The following SCML2 variants were observed in gnomAD, a reference collection of about 807,000 sequenced individuals.
The protein encoded by SCML2 is Scm polycomb group protein like 2.
A neutral mutation model predicts 48.4 loss-of-function variants in SCML2; 6 were observed. The observed-to-expected ratio is 0.12, with a 90% CI of 0.07 to 0.24. The LOEUF (loss-of-function observed/expected upper bound fraction) is 0.24, where lower values mean the gene tolerates loss of function less well. Ranked by LOEUF, SCML2 falls within the 10% of genes least tolerant of loss-of-function variation. SCML2 has a pLI of 1.00. For synonymous variants in SCML2, 181 were observed against 189.5 expected (o/e 0.95, Z 0.37); for missense variants, 377 against 528.2 (o/e 0.71, Z 2.81).
At chrX:18,339,810 C>A (rs1929955245) in intron 1 of SCML2, among the ~76,000 whole-genome samples, 1 of 111,559 alleles carries the variant, frequency 9.0e-6, no homozygotes, top group African/African-American at 3.3e-5. Context: ...CCAGAATTTT[C>A]TTTTTCTTTT....
chrX:18,331,338 T>A (rs1929656210), intron 2 of SCML2, among the ~76,000 whole-genome samples: 1 of 100,669 alleles, frequency 9.9e-6, no homozygotes, highest in African/African-American at 3.6e-5. Flanking sequence ...AATGTTTAAA[T>A]TAACATGTCC....
At chrX:18,304,754 G>A (rs1928703702) in intron 7 of SCML2, among the ~76,000 whole-genome samples, 1 of 111,357 alleles carries the variant, frequency 9.0e-6, no homozygotes. Context: ...TCTCCAGTGT[G>A]GACTGGAACT....
intron 6 of SCML2, among the ~76,000 whole-genome samples, chrX:18,309,617 T>C (rs770999337): frequency 8.9e-6 from 1 of 112,018 alleles, no homozygotes; most frequent in South Asian, 3.7e-4. Flanking sequence ...GACGAGATCA[T>C]GTCCTCTGTA....
chrX:18,269,533 G>A (rs1488492107), intron 7 of SCML2, among the ~76,000 whole-genome samples: 1 of 111,715 alleles, frequency 9.0e-6, no homozygotes, highest in Non-Finnish European at 1.9e-5. Context: ...CCTTATAGCA[G>A]TATGAAAACA....
rs1294918926 is a variant in SCML2, at chrX:18,265,619, G to A, written c.914C>T (p.Thr305Ile). Residue 305 changes from threonine to isoleucine, a missense_variant, in exon 8 of 15, where the codon ACA becomes ATA. By Grantham distance (89) the Thr-to-Ile change is moderately conservative. This residue lies in a region of SCML2 where 299 missense variants were observed against 425.5 expected (regional missense o/e 0.70). Transcript: ENST00000251900. ...TGAGTTTGGACCTTTTTTCCTTGGT[G>A]TGATATTTTTAACAGAACTGCTCCT... is the stretch of plus-strand genomic sequence containing the variant. Reference protein sequence around the residue: ...PKRSSSVKNITPRKKGPNSGK... With the variant: ...PKRSSSVKNIIPRKKGPNSGK... 1 of 1,209,950 alleles carries A rather than the reference G, an allele frequency of 8.3e-7. No individual in the cohort carries two copies. Among genetic ancestry groups the A allele is most frequent in the Admixed American group, 2.2e-5 (1 of 45,821 alleles).
rs200294854 is a variant in SCML2, at chrX:18,291,754, A to AG, written c.730+13217dup. Among the ~76,000 whole-genome samples, 481 of 111,973 alleles carry AG rather than the reference A, an allele frequency of 4.3e-3. 8 individuals carry two copies. In the East Asian group the frequency reaches 0.083, roughly 19 times the overall value. ...ATTTGAATGATGTGTTTAAAAAAAA[A>AG]GAATAGAAACATTCAAAATAAACAA... is the stretch of plus-strand genomic sequence containing the variant. On this transcript the variant is annotated intron_variant, in intron 7 of 14. Coordinates refer to ENST00000251900, the MANE Select transcript of SCML2 (RefSeq NM_006089.3).
intron 6 of SCML2, among the ~76,000 whole-genome samples, chrX:18,317,190 C>A (rs1929151346): frequency 8.9e-6 from 1 of 111,891 alleles, no homozygotes; most frequent in African/African-American, 3.3e-5. Context: ...AAAGTGTGAG[C>A]CACCATGCCC....
chrX:18,260,326 C>A, intron 8 of SCML2, 35 bp from the exon 9 acceptor site: 1 of 1,045,259 alleles, frequency 9.6e-7, no homozygotes, highest in Non-Finnish European at 1.3e-6. Context: ...CACAAGTATA[C>A]AATACTCATT....
chrX:18,272,230 T>A (rs1444340123), intron 7 of SCML2, among the ~76,000 whole-genome samples: 4 of 112,312 alleles, frequency 3.6e-5, no homozygotes, highest in Middle Eastern at 4.6e-3. Context: ...ACTGTTACTG[T>A]CAGATAAGAG....
At chrX:18,298,749 G>A (rs1426700792) in intron 7 of SCML2, among the ~76,000 whole-genome samples, 1 of 109,707 alleles carries the variant, frequency 9.1e-6, no homozygotes, top group Non-Finnish European at 1.9e-5. Flanking sequence ...CTTGAACCCA[G>A]GAGGCAGAGG....
chrX:18,336,053 C>A (rs1018595163), intron 1 of SCML2, among the ~76,000 whole-genome samples: 2 of 111,968 alleles, frequency 1.8e-5, no homozygotes, highest in East Asian at 2.8e-4. Flanking sequence ...TGGAAACAGG[C>A]TAGGCAGTCC....
chrX:18,258,918 C>T (rs1926958838), intron 9 of SCML2, among the ~76,000 whole-genome samples: 3 of 111,149 alleles, frequency 2.7e-5, no homozygotes, highest in African/African-American at 9.8e-5. Context: ...TGCCAACTTC[C>T]AATAATTTTC....
intron 7 of SCML2, among the ~76,000 whole-genome samples, chrX:18,276,406 C>T (rs1225829829): frequency 1.8e-5 from 2 of 111,281 alleles, no homozygotes; most frequent in Non-Finnish European, 3.8e-5. Flanking sequence ...AAAAGACGTA[C>T]TCATATATAT....
chrX:18,338,308 G>A (rs1009004163), intron 1 of SCML2, among the ~76,000 whole-genome samples: 1 of 109,890 alleles, frequency 9.1e-6, no homozygotes, highest in Non-Finnish European at 1.9e-5. Flanking sequence ...GCCGGGCATG[G>A]TGGCACATGC....
chrX:18,326,495 A>G (rs1929483939), intron 3 of SCML2, among the ~76,000 whole-genome samples: 1 of 110,392 alleles, frequency 9.1e-6, no homozygotes, highest in South Asian at 3.9e-4. Flanking sequence ...CCTGGCCAAC[A>G]TGGTGAAACA....
chrX:18,314,894 G>C (rs1022401960), intron 6 of SCML2, among the ~76,000 whole-genome samples: 1 of 110,359 alleles, frequency 9.1e-6, no homozygotes, highest in African/African-American at 3.3e-5. Context: ...TTCGAGACCA[G>C]ACTGGCCAAC....
intron 6 of SCML2, among the ~76,000 whole-genome samples, chrX:18,310,063 A>G (rs993923023): frequency 1.8e-5 from 2 of 111,671 alleles, no homozygotes; most frequent in Non-Finnish European, 3.8e-5. Flanking sequence ...ATAGAACTGG[A>G]GGTCATTATG....
chrX:18,297,362 TG>T (rs774181176), intron 7 of SCML2, among the ~76,000 whole-genome samples: 246 of 112,230 alleles, frequency 2.2e-3, no homozygotes, highest in African/African-American at 7.3e-3. Flanking sequence ...AACATAGTAT[TG>T]GAAGTCCTAG....
rs181391031 is a variant in SCML2 at position 18,319,455 on chromosome X, C to A, written c.486+877G>T. Among the ~76,000 whole-genome samples, 617 of 109,421 alleles carry A rather than the reference C, an allele frequency of 5.6e-3. 4 individuals are homozygous for A. Among genetic ancestry groups the A allele is most frequent in the Non-Finnish European group, 7.2e-3 (380 of 52,590 alleles). On this transcript the variant is annotated intron_variant, in intron 6 of 14. Transcript: ENST00000251900. ...CTCACTAAAAATACAAAAAAAGTAT[C>A]TGGGCATGATGGTGCACGCCTGTAG...
Sources: allele counts gnomAD v4.1 joint callset (sites outside exome capture counted in the v4.1 genomes callset), GRCh38; gene constraint gnomAD v4.1.1; regional missense constraint gnomAD v4.1.1; transcripts MANE v1.5; gene names NCBI Gene and HGNC (gene_info 2026-07-23, HGNC 2026-07-21).